The following NOS2 variants were observed in gnomAD, a reference collection of about 807,000 sequenced individuals.
NOS2 encodes nitric oxide synthase 2.
NOS2 carries 96 observed loss-of-function variants against 136.0 expected under a neutral mutation model. The observed-to-expected ratio is 0.71, with a 90% confidence interval of 0.60 to 0.84. The LOEUF is 0.84. Among genes scored for constraint, NOS2 ranks in the 40% least tolerant of loss-of-function variants. NOS2 has a pLI of 0.00. For missense variants in NOS2, 1,237 were observed against 1,496.9 expected (o/e 0.83, Z 2.87); for synonymous variants, 539 against 587.5 (o/e 0.92, Z 1.20).
At chr17:27,788,241 A>G (rs1394656785) in intron 4 of NOS2, among the ~76,000 whole-genome samples, 1 of 150,622 alleles carries the variant, frequency 6.6e-6, no homozygotes, top group Non-Finnish European at 1.5e-5. Flanking sequence ...GTACACCCGA[A>G]TGTTAACTGT....
chr17:27,757,199 C>A lies in NOS2; in HGVS notation c.*47G>T, dbSNP rs1257071665. 3.4e-6 allele frequency: 5 copies of A among 1,481,386 alleles called. No individual in the cohort carries two copies. The highest frequency in any genetic ancestry group is 1.8e-4 in the Middle Eastern group (1 of 5,576). The allele number at this position is 1,481,386 out of a possible 1,614,324, so 91.8% of individuals were successfully genotyped here. A position where few individuals can be genotyped will look rare whatever the true frequency, so the allele number is the denominator to read the frequency against. On this transcript the variant is annotated 3_prime_UTR_variant, in exon 27 of 27. Transcript: ENST00000313735. ...GACCTCAGATAATGCAGAGCTGGCT[C>A]CATCCTTAAGTTCTGTGCCGGCAGC... is the stretch of plus-strand genomic sequence containing the variant.
chr17:27,757,978 C>T (rs2151323641), intron 26 of NOS2, among the ~76,000 whole-genome samples: 1 of 152,308 alleles, frequency 6.6e-6, no homozygotes, highest in South Asian at 2.1e-4. Context: ...GGTTTATTCT[C>T]AGATGCCACC....
intron 5 of NOS2, among the ~76,000 whole-genome samples, chr17:27,786,661 C>T (rs971285689): frequency 6.6e-6 from 1 of 152,264 alleles, no homozygotes; most frequent in East Asian, 1.9e-4. Flanking sequence ...TATTCTTTAA[C>T]TCCTTTCATC....
chr17:27,780,096 C>G (rs540092030), intron 9 of NOS2, among the ~76,000 whole-genome samples: 8 of 152,308 alleles, frequency 5.3e-5, no homozygotes, highest in African/African-American at 1.9e-4. Flanking sequence ...GGGGCCTCCT[C>G]TAGCTTGAGT....
rs146530891 is a variant in NOS2, at chr17:27,770,718, T to C, written c.1809+195A>G. On this transcript the variant is annotated intron_variant, in intron 15 of 26. Coordinates refer to ENST00000313735, the MANE Select transcript of NOS2 (RefSeq NM_000625.4). ...AGGCCATTCACAGAAATATATTAAATATGTCATAGGAAAGGTGGCACTCCC... is the reference window on the plus strand; with the variant it reads ...AGGCCATTCACAGAAATATATTAAACATGTCATAGGAAAGGTGGCACTCCC... 3.1e-3 allele frequency among the ~76,000 whole-genome samples: 477 copies of C among 152,270 alleles called. 2 individuals are homozygous for C. Among genetic ancestry groups the C allele is most frequent in the Non-Finnish European group, 5.3e-3 (363 of 68,014 alleles).
Position 27,781,898 on chromosome 17 carries a change from T to C in NOS2, c.722+117A>G. On this transcript the variant is annotated intron_variant, in intron 7 of 26. Coordinates refer to ENST00000313735, the MANE Select transcript of NOS2 (RefSeq NM_000625.4). ...AGCCTGAGTCTTTCTCTTTTTTCTT[T>C]CTCCCTGGTTTCTCCTGGAGCTGGA... 4 of 809,340 alleles carry C rather than the reference T, an allele frequency of 4.9e-6. No homozygotes were observed. In the South Asian group the frequency reaches 6.3e-5, roughly 13 times the overall value. The allele number at this position is 809,340 out of a possible 1,614,324, so 50.1% of individuals were successfully genotyped here.
Position 27,774,494 on chromosome 17 carries a change from G to A in NOS2, c.1282-43C>T, listed in dbSNP as rs772330092. 5.8e-6 allele frequency: 8 copies of A among 1,384,148 alleles called. No homozygotes were observed. In the East Asian group the frequency reaches 8.3e-5, roughly 14 times the overall value. The allele number at this position is 1,384,148 out of a possible 1,614,324, so 85.7% of individuals were successfully genotyped here. On this transcript the variant is annotated intron_variant, in intron 11 of 26. Coordinates refer to ENST00000313735, the MANE Select transcript of NOS2 (RefSeq NM_000625.4). ...ATAGGGAGTGGAGATAAGGGTGGGG[G>A]AATCAGGAGAGGGGCCGGTTGGCCG...
intron 2 of NOS2, among the ~76,000 whole-genome samples, chr17:27,797,543 C>G (rs1317734137): frequency 6.6e-6 from 1 of 152,238 alleles, no homozygotes; most frequent in Non-Finnish European, 1.5e-5. Flanking sequence ...GCATTTTTTG[C>G]CGCCTCTGAC....
rs768075620 is a variant in NOS2, at chr17:27,773,261, G to A, written c.1477-18C>T. 3.8e-6 allele frequency: 6 copies of A among 1,598,876 alleles called. No homozygotes were observed. Among genetic ancestry groups the A allele is most frequent in the Non-Finnish European group, 4.3e-6 (5 of 1,166,536 alleles). The stretch of plus-strand genomic sequence containing the variant: ...GCCTCTACCTTCAGAAAAGAAAGGA[G>A]ATGTGAGGGCAGGGCGGGGTCCTGG... On this transcript the variant is annotated intron_variant, in intron 12 of 26. Transcript: ENST00000313735.
chr17:27,760,523 C>T, intron 24 of NOS2, 100 bp downstream of exon 24: 4 of 1,503,414 alleles, frequency 2.7e-6, no homozygotes, highest in Non-Finnish European at 2.7e-6. Flanking sequence ...GAGGCCTTCC[C>T]TCGAGAGAGG....
intron 5 of NOS2, among the ~76,000 whole-genome samples, chr17:27,784,161 C>CA (rs3221879): frequency 8.4e-5 from 12 of 143,334 alleles, no homozygotes; most frequent in African/African-American, 2.8e-4. Flanking sequence ...CACACACACA[C>CA]TACCACCACC....
chr17:27,788,191 C>T (rs908841963), intron 4 of NOS2, among the ~76,000 whole-genome samples: 17 of 110,148 alleles, frequency 1.5e-4, no homozygotes, highest in African/African-American at 4.8e-4. Flanking sequence ...GGAAGGCACA[C>T]GCGTGCACAC....
At chr17:27,769,383 C>A in intron 16 of NOS2, 152 bp downstream of exon 16, 1 of 761,008 alleles carries the variant, frequency 1.3e-6, no homozygotes, top group Admixed American at 2.4e-5. Context: ...TGGTTTGACC[C>A]TCGACACATT....
In NOS2 at chr17:27,757,149, T is replaced by C; in HGVS notation, c.*97A>G. On this transcript the variant is annotated 3_prime_UTR_variant, in exon 27 of 27. Transcript: ENST00000313735. ...AAGACTTGAGGCTGGGGGATATCAC[T>C]TTCCTCCATCTCCCCAGGCCCTGTG... 1.1e-6 allele frequency: 1 copy of C among 920,288 alleles called. No individual in the cohort carries two copies. The highest frequency in any genetic ancestry group is 2.6e-5 in the East Asian group (1 of 38,384). 57.0% of individuals were successfully genotyped at this position (920,288 alleles called of 1,614,324 possible).
At position 27,787,706 on chromosome 17, in the gene NOS2, C is replaced by T; in HGVS notation, c.439G>A (p.Val147Ile). 6.2e-7 allele frequency: 1 copy of T among 1,613,364 alleles called. No homozygotes were observed. Among genetic ancestry groups the T allele is most frequent in the Non-Finnish European group, 8.5e-7 (1 of 1,179,692 alleles). Reference protein sequence around the residue: ...DELLPQAIEFVNQYYGSFKEA... With the variant: ...DELLPQAIEFINQYYGSFKEA... Reference sequence around the variant, plus strand: ...TTGAAGGAGCCGTAATATTGGTTGACAAATTCGATAGCTTGAGGTAGAAGC... The same window carrying T: ...TTGAAGGAGCCGTAATATTGGTTGATAAATTCGATAGCTTGAGGTAGAAGC... The change falls in exon 5 of 27, where the codon GTC becomes ATC. Residue 147 changes from valine (V) to isoleucine (I), a missense_variant. Physicochemically the swap from Val to Ile is conservative, Grantham distance 29 (BLOSUM62 3). Transcript: ENST00000313735.
intron 2 of NOS2, among the ~76,000 whole-genome samples, chr17:27,791,227 C>T (rs1261251898): frequency 1.3e-5 from 2 of 152,168 alleles, no homozygotes; most frequent in African/African-American, 4.8e-5. Context: ...TGTAAAGGGC[C>T]TTCCATGTGA....
Position 27,757,457 on chromosome 17 carries a change from T to A in NOS2, c.3355-104A>T, listed in dbSNP as rs1907965494. The A allele has an allele frequency of 8.1e-5, 71 of 876,888 alleles. 1 individual carries two copies. The South Asian group carries it at 1.1e-3, about 13-fold the overall frequency. The allele number at this position is 876,888 out of a possible 1,614,324, so 54.3% of individuals were successfully genotyped here. A position where few individuals can be genotyped will look rare whatever the true frequency, so the allele number is the denominator to read the frequency against. ...ATGGACCTTCATGAGCCATCTGTCT[T>A]CCCAACTGTTATACTTAGATTGTGC... is the stretch of plus-strand genomic sequence containing the variant. On this transcript the variant is annotated intron_variant, in intron 26 of 26. Transcript: ENST00000313735.
rs1232008141 is a variant in NOS2 at position 27,779,063 on chromosome 17, A to C, written c.1005-7T>G. The C allele has an allele frequency of 6.7e-7, 1 of 1,489,246 alleles. No individual in the cohort carries two copies. The highest frequency in any genetic ancestry group is 1.4e-5 in the African/African-American group (1 of 70,676). 92.3% of individuals were successfully genotyped at this position (1,489,246 alleles called of 1,614,324 possible). On this transcript the variant is annotated splice_polypyrimidine_tract_variant and splice_region_variant and intron_variant, in intron 9 of 26. Coordinates refer to ENST00000313735, the MANE Select transcript of NOS2 (RefSeq NM_000625.4). The stretch of plus-strand genomic sequence containing the variant: ...TTCCCGAAACCACTCGTATCTGGCA[A>C]AAAGGTAGACACAATTTAACTGGGG...
chr17:27,765,392 G>A, intron 20 of NOS2, 143 bp downstream of exon 20: 1 of 720,350 alleles, frequency 1.4e-6, no homozygotes, highest in South Asian at 2.0e-5. Flanking sequence ...TTCCACAGCT[G>A]CTTTCACATA....
Sources: gnomAD v4.1 joint callset for allele counts (sites outside exome capture counted in the v4.1 genomes callset) on GRCh38, gnomAD v4.1.1 for gene constraint, MANE v1.5 for transcripts, NCBI Gene and HGNC (gene_info 2026-07-23, HGNC 2026-07-21) for gene names.